The following MSLN variants were observed in gnomAD, a reference collection of about 807,000 sequenced individuals.
MSLN encodes mesothelin, also known as CAK1 antigen.
In MSLN, 82 loss-of-function variants were observed where a neutral mutation model predicts 72.6. The ratio of observed to expected loss-of-function variants is 1.13; its 90% CI spans 0.94 to 1.36. MSLN has a LOEUF of 1.36. Among genes scored for constraint, MSLN ranks in the 40% most tolerant of loss-of-function variants. MSLN has a pLI of 0.00. For synonymous variants in MSLN, 456 were observed against 387.3 expected, an observed-to-expected ratio of 1.18 and a Z score of -2.08; for missense variants, 1,005 against 847.9, an observed-to-expected ratio of 1.19 and a Z score of -2.30.
At position 768,475 on chromosome 16, in the gene MSLN, C is replaced by A. The variant is rs200871174; in HGVS notation, c.1693C>A (p.Arg565=). The change falls in exon 17 of 18, where the codon CGG becomes AGG. Residue 565 remains arginine (R), a synonymous_variant. Coordinates refer to ENST00000545450, the MANE Select transcript of MSLN (RefSeq NM_005823.6). Reference sequence around the variant, plus strand: ...CCGCCCGGTGCGGGACTGGATCCTACGGCAGCGGCAGGACGACCTGGACAC... The same window carrying A: ...CCGCCCGGTGCGGGACTGGATCCTAAGGCAGCGGCAGGACGACCTGGACAC... The part of the protein sequence containing the change: ...RHRPVRDWIL[R]QRQDDLDTLG... 4 of 1,569,652 alleles carry A rather than the reference C, an allele frequency of 2.5e-6. No homozygotes were observed. Among genetic ancestry groups the A allele is most frequent in the Admixed American group, 1.8e-5 (1 of 56,884 alleles).
At chr16:763,792 C>T (rs1298833647) in intron 5 of MSLN, 101 bp downstream of exon 5, 7 of 646,546 alleles carry the variant, frequency 1.1e-5, no homozygotes, top group South Asian at 1.9e-5. Context: ...CCTCCCCCTT[C>T]CTCCTCTGCT....
intron 11 of MSLN, 108 bp downstream of exon 11, chr16:765,898 A>G: frequency 1.5e-6 from 2 of 1,339,684 alleles, no homozygotes; most frequent in Non-Finnish European, 2.0e-6. Context: ...AGCACATCCC[A>G]TTATAATCAC....
Position 764,046 on chromosome 16 carries a change from G to A in MSLN, c.203G>A (p.Gly68Asp). 6.2e-7 allele frequency: 1 copy of A among 1,603,778 alleles called. No homozygotes were observed. The highest frequency in any genetic ancestry group is 8.5e-7 in the Non-Finnish European group (1 of 1,179,712). Reference protein sequence around the residue: ...ISSLSPRQLLGFPCAEVSGLS... With the variant: ...ISSLSPRQLLDFPCAEVSGLS... ...AGCCTCTCCCCTCGCCAACTCCTTG[G>A]CTTCCCGTGTGCGGAGGTGTCCGGC... Residue 68 changes from glycine to aspartate, a missense_variant, in exon 6 of 18, where the codon GGC becomes GAC. Gly to Asp is a moderately conservative substitution (Grantham distance 94). Transcript: ENST00000545450.
Position 762,630 on chromosome 16 carries a change from G to C in MSLN, c.-9-42G>C, listed in dbSNP as rs372058449. The C allele has an allele frequency of 1.5e-4, 227 of 1,469,684 alleles. 1 individual carries two copies. The African/African-American group carries it at 3.0e-3, about 19-fold the overall frequency. 91.0% of individuals were successfully genotyped at this position (1,469,684 alleles called of 1,614,324 possible). A position where few individuals can be genotyped will look rare whatever the true frequency, so the allele number is the denominator to read the frequency against. Reference sequence around the variant, plus strand: ...GGCTGGCCCAGGACAGAGGCGTGGGGTGGGAGCAGGGGGTCCCATCCTGAG... The same window carrying C: ...GGCTGGCCCAGGACAGAGGCGTGGGCTGGGAGCAGGGGGTCCCATCCTGAG... On this transcript the variant is annotated intron_variant, in intron 2 of 17. Coordinates refer to ENST00000545450, the MANE Select transcript of MSLN (RefSeq NM_005823.6).
At position 765,424 on chromosome 16, in the gene MSLN, A is replaced by C; in HGVS notation, c.705-103A>C. On this transcript the variant is annotated intron_variant, in intron 9 of 17. Coordinates refer to ENST00000545450, the MANE Select transcript of MSLN (RefSeq NM_005823.6). ...GTCACCCCCGCCACCACCCCTGCCA[A>C]TGCCCCCAGCGTCCCCTCCACAGCC... The C allele has an allele frequency of 5.7e-6, 8 of 1,414,464 alleles. No individual in the cohort carries two copies. The South Asian group carries it at 1.1e-4, about 19-fold the overall frequency. The allele number at this position is 1,414,464 out of a possible 1,614,324, so 87.6% of individuals were successfully genotyped here.
Position 764,262 on chromosome 16 carries a change from G to A in MSLN, c.300+119G>A, listed in dbSNP as rs755684605. ...TCTGTCCCTGCTGCCATCTCTCCCC[G>A]GCCAGTTCTTCCCAGAGTTCCTCTG... On this transcript the variant is annotated intron_variant, in intron 6 of 17. Transcript: ENST00000545450. 4.1e-4 allele frequency: 561 copies of A among 1,379,602 alleles called. 3 individuals are homozygous for A. The highest frequency in any genetic ancestry group is 9.4e-4 in the Middle Eastern group (4 of 4,246). The allele number at this position is 1,379,602 out of a possible 1,614,324, so 85.5% of individuals were successfully genotyped here. A position where few individuals can be genotyped will look rare whatever the true frequency, so the allele number is the denominator to read the frequency against.
At chr16:763,759 G>A in intron 5 of MSLN, 68 bp downstream of exon 5, 2 of 422,946 alleles carry the variant, frequency 4.7e-6, no homozygotes, top group Non-Finnish European at 5.7e-6. Context: ...AGGGTGGGCA[G>A]GGCACCCCAT....
rs928184566 is a variant in MSLN, at chr16:765,102, C to G, written c.511-8C>G. 1 of 1,605,224 alleles carries G rather than the reference C, an allele frequency of 6.2e-7. No individual in the cohort carries two copies. Among genetic ancestry groups the G allele is most frequent in the Non-Finnish European group, 8.5e-7 (1 of 1,177,260 alleles). On this transcript the variant is annotated splice_region_variant and splice_polypyrimidine_tract_variant and intron_variant, in intron 8 of 17. Coordinates refer to ENST00000545450, the MANE Select transcript of MSLN (RefSeq NM_005823.6). ...GTTCCAAAAGCGCTGAGGCCAGCCT[C>G]TCTGCAGGGTGTGCGGGGGTCTCTG...
At chr16:766,622 A>T in intron 13 of MSLN, 46 bp from the exon 14 acceptor site, 1 of 1,611,304 alleles carries the variant, frequency 6.2e-7, no homozygotes, top group Non-Finnish European at 8.5e-7. Flanking sequence ...TGGTGGAGGG[A>T]TACATCTCTC....
intron 3 of MSLN, 36 bp downstream of exon 3, chr16:762,801 C>T (rs370001093): frequency 3.6e-5 from 54 of 1,516,668 alleles, no homozygotes; most frequent in Middle Eastern, 1.8e-4. Flanking sequence ...GAGGTGGGGA[C>T]GGCCCAGGGG....
Position 766,773 on chromosome 16 carries a change from C to T in MSLN, c.1336C>T (p.Pro446Ser). 1 of 1,612,622 alleles carries T rather than the reference C, an allele frequency of 6.2e-7. No homozygotes were observed. The highest frequency in any genetic ancestry group is 8.5e-7 in the Non-Finnish European group (1 of 1,179,888). The change falls in exon 14 of 18, where the codon CCC (proline) becomes TCC (serine). Residue 446 changes from proline (P) to serine (S), a missense_variant. Coordinates refer to ENST00000545450, the MANE Select transcript of MSLN (RefSeq NM_005823.6). ...CCCTGGGTACCTGTGCTCCCTCAGCCCCGAGGAGCTGAGCTCCGTGCCCCC... is the reference window on the plus strand; with the variant it reads ...CCCTGGGTACCTGTGCTCCCTCAGCTCCGAGGAGCTGAGCTCCGTGCCCCC... ...FYPGYLCSLS[P>S]EELSSVPPSS...
rs138683708 is a variant in MSLN, at chr16:762,728, C to T, written c.48C>T (p.Pro16=). Residue 16 remains proline, a synonymous_variant, in exon 3 of 18, where the codon CCC becomes CCT. Coordinates refer to ENST00000545450, the MANE Select transcript of MSLN (RefSeq NM_005823.6). ...CCCTGTTGGGGTCCTGTGGGACCCC[C>T]GCCCTCGGCAGCCTCCTGTTCCTGC... The part of the protein sequence containing the change: ...ARPLLGSCGT[P]ALGSLLFLLF... The T allele has an allele frequency of 3.6e-5, 57 of 1,604,676 alleles. No homozygotes were observed. The highest frequency in any genetic ancestry group is 2.9e-4 in the Admixed American group (17 of 58,354).
chr16:763,388 G>GGGCAC lies in MSLN; in HGVS notation c.129+112_129+113insGGCAC, dbSNP rs1367075260. The GGGCAC allele has an allele frequency of 3.0e-6, 3 of 1,011,718 alleles. No homozygotes were observed. In the African/African-American group the frequency reaches 4.9e-5, roughly 17 times the overall value. 62.7% of individuals were successfully genotyped at this position (1,011,718 alleles called of 1,614,324 possible). On this transcript the variant is annotated intron_variant, in intron 4 of 17. Transcript: ENST00000545450. ...GTGCTTGCCAGTTTCCACGGTCCTT[G>GGGCAC]CTTGCAAAGGGGCACCTGGACCTGC... is the stretch of plus-strand genomic sequence containing the variant.
At chr16:766,300 A>G in intron 12 of MSLN, 35 bp from the exon 13 acceptor site, 1 of 1,610,800 alleles carries the variant, frequency 6.2e-7, no homozygotes, top group Non-Finnish European at 8.5e-7. Flanking sequence ...CCCCTCTGGG[A>G]GTGACATGGG....
In MSLN at chr16:764,518, G is replaced by T. The variant is rs368810319; in HGVS notation, c.301-129G>T. The T allele has an allele frequency of 2.9e-5, 25 of 871,202 alleles. No individual in the cohort carries two copies. The East Asian group carries it at 4.1e-4, about 14-fold the overall frequency. The allele number at this position is 871,202 out of a possible 1,614,324, so 54.0% of individuals were successfully genotyped here. On this transcript the variant is annotated intron_variant, in intron 6 of 17. Transcript: ENST00000545450. ...CAGGGCAGCGCTGCAGGCGGCCAGAGATCCACTTCCACAGATTCTCGTGGC... is the reference window on the plus strand; with the variant it reads ...CAGGGCAGCGCTGCAGGCGGCCAGATATCCACTTCCACAGATTCTCGTGGC...
In MSLN at chr16:765,760, C is replaced by T. The variant is rs1430128444; in HGVS notation, c.865C>T (p.Leu289Phe). Reference protein sequence around the residue: ...PSWRQPERTILRPRFRREVEK... With the variant: ...PSWRQPERTIFRPRFRREVEK... ...CTGGCGGCAGCCTGAACGGACCATC[C>T]TCCGGCCGCGGTTCCGGCGGGAAGT... is the stretch of plus-strand genomic sequence containing the variant. The change falls in exon 11 of 18, where the codon CTC (leucine) becomes TTC (phenylalanine). Residue 289 changes from leucine to phenylalanine, a missense_variant. By Grantham distance (22) the Leu-to-Phe change is conservative. Transcript: ENST00000545450. The T allele has an allele frequency of 6.2e-7, 1 of 1,600,260 alleles. No individual in the cohort carries two copies. Among genetic ancestry groups the T allele is most frequent in the African/African-American group, 1.3e-5 (1 of 74,948 alleles).
Position 762,717 on chromosome 16 carries a change from T to A in MSLN, c.37T>A (p.Cys13Ser). Residue 13 changes from cysteine to serine, a missense_variant, in exon 3 of 18, where the codon TGT (cysteine) becomes AGT (serine). Cys to Ser is a moderately radical substitution (Grantham distance 112, BLOSUM62 -1). Coordinates refer to ENST00000545450, the MANE Select transcript of MSLN (RefSeq NM_005823.6). The part of the protein sequence containing the change: ...LPTARPLLGS[C>S]GTPALGSLLF... Reference sequence around the variant, plus strand: ...AACGGCTCGACCCCTGTTGGGGTCCTGTGGGACCCCCGCCCTCGGCAGCCT... The same window carrying A: ...AACGGCTCGACCCCTGTTGGGGTCCAGTGGGACCCCCGCCCTCGGCAGCCT... 1 of 1,608,278 alleles carries A rather than the reference T, an allele frequency of 6.2e-7. No individual in the cohort carries two copies. The highest frequency in any genetic ancestry group is 8.5e-7 in the Non-Finnish European group (1 of 1,178,138).
Position 766,040 on chromosome 16 carries a change from T to C in MSLN, c.896-19T>C. ...TCAAACGAACTCCGGCCCTGACCCC[T>C]GACCCCTGTGCCCTGCAGAGACAGC... On this transcript the variant is annotated intron_variant, in intron 11 of 17. Coordinates refer to ENST00000545450, the MANE Select transcript of MSLN (RefSeq NM_005823.6). The C allele has an allele frequency of 6.3e-7, 1 of 1,591,740 alleles. No homozygotes were observed. The highest frequency in any genetic ancestry group is 8.6e-7 in the Non-Finnish European group (1 of 1,167,052).
In MSLN at chr16:763,294, G is replaced by C; in HGVS notation, c.129+18G>C. Reference sequence around the variant, plus strand: ...CAGGGCAGGTAAGGTCCCCTCTGGGGAAACAGGGGAGGGTCTTCAGGTCCC... The same window carrying C: ...CAGGGCAGGTAAGGTCCCCTCTGGGCAAACAGGGGAGGGTCTTCAGGTCCC... On this transcript the variant is annotated intron_variant, in intron 4 of 17. Coordinates refer to ENST00000545450, the MANE Select transcript of MSLN (RefSeq NM_005823.6). 6.5e-7 allele frequency: 1 copy of C among 1,537,332 alleles called. No individual in the cohort carries two copies. The highest frequency in any genetic ancestry group is 8.8e-7 in the Non-Finnish European group (1 of 1,141,400).
Sources: gnomAD v4.1 joint callset for allele counts on GRCh38, gnomAD v4.1.1 for gene constraint, MANE v1.5 for transcripts, NCBI Gene and HGNC (gene_info 2026-07-23, HGNC 2026-07-21) for gene names.